DAB2IP: variants seen among roughly 807,000 people sequenced by gnomAD.
The protein encoded by DAB2IP is disabled homolog 2-interacting protein.
A neutral mutation model predicts 107.2 loss-of-function variants in DAB2IP; 28 were observed. That is an observed-to-expected ratio of 0.26 (90% confidence interval 0.19 to 0.36). The LOEUF (loss-of-function observed/expected upper bound fraction) is 0.36. DAB2IP is among the 10% of genes least tolerant of loss of function. The pLI is 1.00. For missense variants in DAB2IP, 1,400 were observed against 1,644.7 expected (o/e 0.85, Z 2.57); for synonymous variants, 755 against 706.4 (o/e 1.07, Z -1.09).
chr9:121,577,246 T>C (rs988715858), intron 1 of DAB2IP, among the ~76,000 whole-genome samples: 2 of 152,000 alleles, frequency 1.3e-5, no homozygotes, highest in Non-Finnish European at 2.9e-5. Flanking sequence ...AACACAAGCC[T>C]GAGGAGCTTT....
chr9:121,756,792 G>A (rs1833519642), intron 3 of DAB2IP, among the ~76,000 whole-genome samples: 1 of 152,246 alleles, frequency 6.6e-6, no homozygotes, highest in Admixed American at 6.5e-5. Flanking sequence ...CTTGCTCTCT[G>A]AGAGGCTGAG....
At chr9:121,781,337 C>A in intron 14 of DAB2IP, 127 bp from the exon 15 acceptor site, 1 of 881,826 alleles carries the variant, frequency 1.1e-6, no homozygotes, top group Non-Finnish European at 1.8e-6. Flanking sequence ...GGAGGCAAGT[C>A]TCTGACCCAA....
chr9:121,691,100 G>T (rs1829137946), intron 2 of DAB2IP, among the ~76,000 whole-genome samples: 1 of 152,228 alleles, frequency 6.6e-6, no homozygotes, highest in African/African-American at 2.4e-5. Context: ...AAGCCCCACA[G>T]AGCACTTTAT....
intron 5 of DAB2IP, among the ~76,000 whole-genome samples, chr9:121,759,251 T>G (rs1478915186): frequency 1.3e-5 from 2 of 152,186 alleles, no homozygotes; most frequent in Non-Finnish European, 2.9e-5. Context: ...TGCTGGACCC[T>G]GGGGTCCTTC....
upstream of DAB2IP, among the ~76,000 whole-genome samples, chr9:121,649,330 A>G (rs1231193722): frequency 1.6e-5 from 2 of 125,344 alleles, no homozygotes; most frequent in African/African-American, 5.1e-5. Flanking sequence ...TGGGGAGACC[A>G]TGCCAGACCT....
chr9:121,770,588 G>A (rs761453153), exon 11 of DAB2IP: 2 of 1,614,128 alleles, frequency 1.2e-6, no homozygotes, highest in South Asian at 1.1e-5. Flanking sequence ...GATCCTGAGG[G>A]ACGTCCACAC....
At chr9:121,756,820 G>T (rs759396322) in intron 3 of DAB2IP, among the ~76,000 whole-genome samples, 193 bp from the exon 4 acceptor site, 1 of 152,196 alleles carries the variant, frequency 6.6e-6, no homozygotes, top group Non-Finnish European at 1.5e-5. Context: ...CCAGACTCTT[G>T]CAGTCGGGAG....
intron 3 of DAB2IP, among the ~76,000 whole-genome samples, chr9:121,707,588 C>G (rs1468899738): frequency 1.3e-5 from 2 of 152,174 alleles, no homozygotes; most frequent in African/African-American, 2.4e-5. Flanking sequence ...AAAGAGTGCA[C>G]TGGGGAGAGA....
intron 3 of DAB2IP, among the ~76,000 whole-genome samples, chr9:121,752,310 C>G (rs1442568639): frequency 6.7e-6 from 1 of 148,844 alleles, no homozygotes; most frequent in Non-Finnish European, 1.5e-5. Context: ...TGAGGGAGGG[C>G]TATCCCTATC....
At chr9:121,676,359 C>G (rs999938751) in intron 1 of DAB2IP, among the ~76,000 whole-genome samples, 1 of 152,212 alleles carries the variant, frequency 6.6e-6, no homozygotes, top group African/African-American at 2.4e-5. Context: ...GTGCGCACGT[C>G]CCCTGCTCAG....
chr9:121,696,061 G>C (rs1829411711), intron 2 of DAB2IP, among the ~76,000 whole-genome samples: 1 of 152,158 alleles, frequency 6.6e-6, no homozygotes. Flanking sequence ...TAGAGACGGG[G>C]TTTTGCCATC....
intron 3 of DAB2IP, among the ~76,000 whole-genome samples, chr9:121,734,334 G>T (rs913096805): frequency 6.7e-6 from 1 of 149,468 alleles, no homozygotes; most frequent in Non-Finnish European, 1.5e-5. Flanking sequence ...CCGAGATTGC[G>T]CCATTGCAGT....
chr9:121,762,230 T>TGTGTG (rs1833947437), intron 6 of DAB2IP, among the ~76,000 whole-genome samples: 1 of 152,118 alleles, frequency 6.6e-6, no homozygotes, highest in Admixed American at 6.5e-5. Flanking sequence ...CTTGGACAAG[T>TGTGTG]CATTTTCCTG....
chr9:121,766,498 T>C (rs1487066362), exon 9 of DAB2IP: 1 of 1,605,508 alleles, frequency 6.2e-7, no homozygotes, highest in South Asian at 1.1e-5. Flanking sequence ...ACACAGTGTC[T>C]TCCCACGGGA....
At chr9:121,672,224 GAC>G in intron 1 of DAB2IP, among the ~76,000 whole-genome samples, 1 of 152,272 alleles carries the variant, frequency 6.6e-6, no homozygotes, top group Non-Finnish European at 1.5e-5. Flanking sequence ...CACTGCCGAG[GAC>G]ACAGGGACAC....
intron 1 of DAB2IP, among the ~76,000 whole-genome samples, chr9:121,595,640 A>T (rs995303040): frequency 1.3e-5 from 2 of 151,822 alleles, no homozygotes; most frequent in Non-Finnish European, 2.9e-5. Flanking sequence ...GAAAGAAAGA[A>T]AGAAAACCTT....
intron 2 of DAB2IP, among the ~76,000 whole-genome samples, chr9:121,688,298 G>T (rs1261121847): frequency 6.6e-6 from 1 of 152,254 alleles, no homozygotes; most frequent in Non-Finnish European, 1.5e-5. Context: ...CCTCTGTGGA[G>T]GTGGCAGCAG....
In DAB2IP at chr9:121,782,720, C is replaced by A. The variant is rs1417299359; in HGVS notation, c.*222C>A. ...CCAGCCGCTCCCTGTGGGGTGCGGGCAGAAGAGACTGCACGCTGGGGAGTG... is the reference window on the plus strand; with the variant it reads ...CCAGCCGCTCCCTGTGGGGTGCGGGAAGAAGAGACTGCACGCTGGGGAGTG... On this transcript the variant is annotated 3_prime_UTR_variant, in exon 16 of 16. Transcript: ENST00000408936. This position sits in a 1 kb window ranked among gnomAD's most constrained non-coding sequence, Gnocchi z 6.1. 109 of 1,404,884 alleles carry A rather than the reference C, an allele frequency of 7.8e-5. No individual in the cohort carries two copies. Among genetic ancestry groups the A allele is most frequent in the Non-Finnish European group, 9.1e-5 (98 of 1,081,520 alleles). 87.0% of individuals were successfully genotyped at this position (1,404,884 alleles called of 1,614,324 possible). A position where few individuals can be genotyped will look rare whatever the true frequency, so the allele number is the denominator to read the frequency against.
At position 121,768,413 on chromosome 9, in the gene DAB2IP, C is replaced by G. The variant is rs747265868; in HGVS notation, c.1698-19C>G. On this transcript the variant is annotated intron_variant, in intron 9 of 15. Coordinates refer to ENST00000408936, the Ensembl canonical transcript of DAB2IP. ...CCTGCCTGGGCCCAGTAGTGCTCACCCAACTGCCCTCTCTCCAGATTTGGC... is the reference window on the plus strand; with the variant it reads ...CCTGCCTGGGCCCAGTAGTGCTCACGCAACTGCCCTCTCTCCAGATTTGGC... The G allele has an allele frequency of 1.2e-6, 2 of 1,613,744 alleles. No homozygotes were observed. Among genetic ancestry groups the G allele is most frequent in the South Asian group, 2.2e-5 (2 of 91,058 alleles).
Sources: allele counts gnomAD v4.1 joint callset (sites outside exome capture counted in the v4.1 genomes callset), GRCh38; gene constraint gnomAD v4.1.1; non-coding constraint Gnocchi (gnomAD v3.1); transcripts MANE v1.5; gene names NCBI Gene and HGNC (gene_info 2026-07-23, HGNC 2026-07-21).